KCNH7: variants seen among roughly 807,000 people sequenced by gnomAD.
The protein encoded by KCNH7 is voltage-gated inwardly rectifying potassium channel KCNH7.
In KCNH7, 49 loss-of-function variants were observed where a neutral mutation model predicts 120.8. That is an observed-to-expected ratio of 0.41 (90% confidence interval 0.32 to 0.51). The LOEUF (loss-of-function observed/expected upper bound fraction) is 0.51, where lower values mean the gene tolerates loss of function less well. Among genes scored for constraint, KCNH7 ranks in the 20% least tolerant of loss-of-function variants. The probability of loss-of-function intolerance (pLI) is 0.38; values close to 1 mark genes in which losing one functional copy is unlikely to be tolerated. For synonymous variants in KCNH7, 547 were observed against 516.1 expected, an observed-to-expected ratio of 1.06 and a Z score of -0.81; for missense variants, 1,097 against 1,446.6, an observed-to-expected ratio of 0.76 and a Z score of 3.92.
At chr2:162,658,895 A>G (rs1684860228) in intron 2 of KCNH7, among the ~76,000 whole-genome samples, 1 of 152,188 alleles carries the variant, frequency 6.6e-6, no homozygotes, top group Non-Finnish European at 1.5e-5. Context: ...AATGCTCTAC[A>G]CAGACAATAA....
Position 162,838,691 on chromosome 2 carries a change from C to T in KCNH7, c.-173G>A, listed in dbSNP as rs963089462. The T allele has an allele frequency of 5.6e-6, 3 of 537,658 alleles. No individual in the cohort carries two copies. The highest frequency in any genetic ancestry group is 2.3e-5 in the South Asian group (1 of 42,614). The allele number at this position is 537,658 out of a possible 1,614,324, so 33.3% of individuals were successfully genotyped here. A position where few individuals can be genotyped will look rare whatever the true frequency, so the allele number is the denominator to read the frequency against. The stretch of plus-strand genomic sequence containing the variant: ...CACTTCTAGACACCCGCTTTCCCCA[C>T]CGGAGTCCAATCCATTCCCCTCACC... On this transcript the variant is annotated 5_prime_UTR_variant, in exon 1 of 16. In the 5' UTR this introduces an upstream ATG that the reference lacks. Transcript: ENST00000332142.
intron 2 of KCNH7, among the ~76,000 whole-genome samples, chr2:162,560,656 A>G (rs1038841255): frequency 6.6e-6 from 1 of 152,218 alleles, no homozygotes. Flanking sequence ...AATGAATTAG[A>G]TAATTTTTAG....
intron 2 of KCNH7, among the ~76,000 whole-genome samples, chr2:162,563,362 T>C (rs960996995): frequency 1.3e-5 from 2 of 152,210 alleles, no homozygotes; most frequent in Non-Finnish European, 2.9e-5. Flanking sequence ...TACATTTTAA[T>C]TACTTTACCT....
At chr2:162,436,915 G>C (rs1209558920) in intron 7 of KCNH7, among the ~76,000 whole-genome samples, 1 of 151,992 alleles carries the variant, frequency 6.6e-6, no homozygotes, top group Non-Finnish European at 1.5e-5. Context: ...TTTGAGACCA[G>C]CCTGGGCAAT....
chr2:162,652,928 C>T (rs76817513), intron 2 of KCNH7, among the ~76,000 whole-genome samples: 38,066 of 151,882 alleles, frequency 0.25, 7,556 homozygotes, highest in African/African-American at 0.54. Context: ...ATAAAACCTT[C>T]TTTCATTTTT....
At chr2:162,373,351 A>G in intron 15 of KCNH7, 119 bp downstream of exon 15, 1 of 601,992 alleles carries the variant, frequency 1.7e-6, no homozygotes, top group South Asian at 6.1e-5. Context: ...CTATTTGAGT[A>G]GAAACAGAGA....
At chr2:162,684,710 G>C (rs1159454130) in intron 2 of KCNH7, among the ~76,000 whole-genome samples, 1 of 152,102 alleles carries the variant, frequency 6.6e-6, no homozygotes, top group Non-Finnish European at 1.5e-5. Context: ...AGATGCTGGA[G>C]AGGATGTTGA....
intron 2 of KCNH7, among the ~76,000 whole-genome samples, chr2:162,832,566 T>C (rs1685513564): frequency 6.6e-6 from 1 of 151,964 alleles, no homozygotes; most frequent in South Asian, 2.1e-4. Context: ...CTTTTTCCAT[T>C]AAAAATAATT....
At chr2:162,718,473 G>A (rs1244526332) in intron 2 of KCNH7, among the ~76,000 whole-genome samples, 1 of 151,992 alleles carries the variant, frequency 6.6e-6, no homozygotes. Context: ...GAAATAGCCT[G>A]AAATCATTTA....
chr2:162,467,513 C>A (rs13398374), intron 6 of KCNH7, among the ~76,000 whole-genome samples: 2 of 152,126 alleles, frequency 1.3e-5, no homozygotes, highest in South Asian at 4.2e-4. Context: ...CTGTACAAAC[C>A]GGGCTCTCTT....
chr2:162,675,005 T>A (rs1175284399), intron 2 of KCNH7, among the ~76,000 whole-genome samples: 1 of 151,520 alleles, frequency 6.6e-6, no homozygotes, highest in Non-Finnish European at 1.5e-5. Context: ...ACTCAAGAAA[T>A]TTATAATGAC....
At chr2:162,624,716 A>T (rs1426772200) in intron 2 of KCNH7, among the ~76,000 whole-genome samples, 1 of 151,904 alleles carries the variant, frequency 6.6e-6, no homozygotes, top group African/African-American at 2.4e-5. Context: ...AACTTTAATC[A>T]TTTTTAGTAA....
chr2:162,569,416 C>T (rs1215521107), intron 2 of KCNH7, among the ~76,000 whole-genome samples: 2 of 148,964 alleles, frequency 1.3e-5, no homozygotes, highest in East Asian at 4.0e-4. Context: ...TGATTCTTCT[C>T]TCTTTTTTTC....
At position 162,373,801 on chromosome 2, in the gene KCNH7, G is replaced by T. The variant is rs1050840166; in HGVS notation, c.3132-139C>A. On this transcript the variant is annotated intron_variant, in intron 14 of 15. Coordinates refer to ENST00000332142, the MANE Select transcript of KCNH7 (RefSeq NM_033272.4). ...AGAAGGACAGGAGAGGGAGCACAGA[G>T]ATTCTTTCCTGACGGATACTTACTG... The T allele has an allele frequency of 1.5e-5, 7 of 469,652 alleles. No homozygotes were observed. In the Admixed American group the frequency reaches 2.2e-4, roughly 15 times the overall value. 29.1% of individuals were successfully genotyped at this position (469,652 alleles called of 1,614,324 possible).
At chr2:162,673,993 G>A (rs1685450128) in intron 2 of KCNH7, among the ~76,000 whole-genome samples, 1 of 151,714 alleles carries the variant, frequency 6.6e-6, no homozygotes, top group Non-Finnish European at 1.5e-5. Flanking sequence ...TTATCTTAAA[G>A]ATTGGAAACA....
At chr2:162,659,524 T>C (rs554056841) in intron 2 of KCNH7, among the ~76,000 whole-genome samples, 1 of 152,052 alleles carries the variant, frequency 6.6e-6, no homozygotes, top group African/African-American at 2.4e-5. Context: ...GTATTTTTAG[T>C]AGAGACGAGG....
chr2:162,419,824 T>A (rs1243696877), intron 9 of KCNH7, among the ~76,000 whole-genome samples: 1 of 152,188 alleles, frequency 6.6e-6, no homozygotes, highest in Non-Finnish European at 1.5e-5. Flanking sequence ...TATGCTGATA[T>A]GAAAGATGAT....
intron 5 of KCNH7, among the ~76,000 whole-genome samples, chr2:162,509,720 A>G (rs920012085): frequency 2.0e-5 from 3 of 151,630 alleles, no homozygotes; most frequent in Admixed American, 6.6e-5. Flanking sequence ...GTAATGGCCA[A>G]GGCAGCCTAT....
At chr2:162,493,100 C>G (rs1246379309) in intron 6 of KCNH7, among the ~76,000 whole-genome samples, 2 of 151,970 alleles carry the variant, frequency 1.3e-5, no homozygotes, top group Non-Finnish European at 2.9e-5. Context: ...AGGTCCCTCT[C>G]AAAATTTGTT....
Sources: allele counts gnomAD v4.1 joint callset (sites outside exome capture counted in the v4.1 genomes callset), GRCh38; gene constraint gnomAD v4.1.1; transcripts MANE v1.5; gene names NCBI Gene and HGNC (gene_info 2026-07-23, HGNC 2026-07-21).